Variants in TM7SF3 observed in about 807,000 individuals in gnomAD.
The protein encoded by TM7SF3 is seven span transmembrane protein.
TM7SF3 carries 60 observed loss-of-function variants against 65.5 expected under a neutral mutation model. The ratio of observed to expected loss-of-function variants is 0.92; its 90% confidence interval spans 0.74 to 1.14. The LOEUF (loss-of-function observed/expected upper bound fraction) is 1.14. Among genes scored for constraint, TM7SF3 ranks in the 50% most tolerant of loss-of-function variants. TM7SF3 has a pLI of 0.00. For missense variants in TM7SF3, 623 were observed against 684.8 expected, an observed-to-expected ratio of 0.91 and a Z score of 1.01; for synonymous variants, 264 against 259.6, an observed-to-expected ratio of 1.02 and a Z score of -0.16.
chr12:26,982,346 T>C (rs973249761), intron 7 of TM7SF3, among the ~76,000 whole-genome samples: 1 of 152,100 alleles, frequency 6.6e-6, no homozygotes, highest in Non-Finnish European at 1.5e-5. Flanking sequence ...CCAATTTGTC[T>C]TTAATTTTTT....
At chr12:27,002,139 TAAGA>T (rs1055230516) in intron 2 of TM7SF3, among the ~76,000 whole-genome samples, 2 of 151,910 alleles carry the variant, frequency 1.3e-5, no homozygotes, top group South Asian at 2.1e-4. Context: ...CACAAAATAG[TAAGA>T]AAGATAGTGT....
At chr12:26,984,774 A>G (rs929304028) in intron 6 of TM7SF3, among the ~76,000 whole-genome samples, 17 of 152,226 alleles carry the variant, frequency 1.1e-4, no homozygotes, top group African/African-American at 3.9e-4. Context: ...GGAAGGTTCC[A>G]TCAAAAGCAG....
intron 2 of TM7SF3, 63 bp downstream of exon 2, chr12:27,003,173 T>C: frequency 1.7e-6 from 2 of 1,171,204 alleles, no homozygotes; most frequent in African/African-American, 1.5e-5. Context: ...CTAATGCTCA[T>C]ACTAAATACC....
chr12:26,982,740 A>G (rs1268115537), intron 7 of TM7SF3, 33 bp downstream of exon 7: 6 of 1,512,580 alleles, frequency 4.0e-6, no homozygotes, highest in Non-Finnish European at 5.4e-6. Flanking sequence ...AAAGACTGCA[A>G]AATGGAAATA....
chr12:26,998,836 T>G (rs2039075434), intron 3 of TM7SF3, among the ~76,000 whole-genome samples: 1 of 152,144 alleles, frequency 6.6e-6, no homozygotes, highest in Non-Finnish European at 1.5e-5. Flanking sequence ...TACCTCGAAA[T>G]AAAGTACAAA....
intron 1 of TM7SF3, among the ~76,000 whole-genome samples, chr12:27,009,717 T>A (rs1941175350): frequency 1.3e-5 from 2 of 152,190 alleles, no homozygotes; most frequent in African/African-American, 4.8e-5. Flanking sequence ...CTTTTAAATG[T>A]CTATTTCTAG....
At position 26,973,903 on chromosome 12, in the gene TM7SF3, CTG is replaced by C. The variant is rs1939456946; in HGVS notation, c.*60_*61del. The C allele has an allele frequency of 6.3e-7, 1 of 1,575,774 alleles. No homozygotes were observed. Among genetic ancestry groups the C allele is most frequent in the Non-Finnish European group, 8.6e-7 (1 of 1,164,960 alleles). ...TCTCTTATTAGACTTGCACCAGAGA[CTG>C]TTGAACCACTCCAGGCATGAACTCC... On this transcript the variant is annotated 3_prime_UTR_variant, in exon 12 of 12. Transcript: ENST00000343028.
At chr12:26,992,020 C>A (rs1056838589) in intron 5 of TM7SF3, among the ~76,000 whole-genome samples, 3 of 152,102 alleles carry the variant, frequency 2.0e-5, no homozygotes, top group African/African-American at 7.2e-5. Flanking sequence ...AGAAAGCTCT[C>A]AGATGATGCC....
chr12:27,000,710 C>T (rs1231168782), intron 2 of TM7SF3, among the ~76,000 whole-genome samples: 1 of 152,190 alleles, frequency 6.6e-6, no homozygotes, highest in African/African-American at 2.4e-5. Flanking sequence ...CCGCCAGCAT[C>T]AGCCTCCCAA....
chr12:26,995,469 AG>A, intron 4 of TM7SF3, 61 bp from the exon 5 acceptor site: 1 of 1,548,760 alleles, frequency 6.5e-7, no homozygotes, highest in Non-Finnish European at 8.8e-7. Context: ...ATCTATAAAA[AG>A]GAACCAAGAG....
At chr12:27,002,746 G>A (rs1465678270) in intron 2 of TM7SF3, among the ~76,000 whole-genome samples, 2 of 152,186 alleles carry the variant, frequency 1.3e-5, no homozygotes, top group African/African-American at 4.8e-5. Context: ...TACTGCTGGA[G>A]GCATAGCACA....
Position 26,973,331 on chromosome 12 carries a change from G to T in TM7SF3, c.*634C>A. On this transcript the variant is annotated 3_prime_UTR_variant, in exon 12 of 12. Coordinates refer to ENST00000343028, the MANE Select transcript of TM7SF3 (RefSeq NM_016551.3). ...GCTGGGAGTAGGCATGTGCCACCAT[G>T]CCTGGCTAATTTTTTAATTTTTTTG... The T allele has an allele frequency of 6.6e-6, 1 of 152,274 alleles. No individual in the cohort carries two copies. The highest frequency in any genetic ancestry group is 6.5e-5 in the Admixed American group (1 of 15,274). 9.4% of individuals were successfully genotyped at this position (152,274 alleles called of 1,614,324 possible).
At chr12:27,013,164 A>AT in intron 1 of TM7SF3, 1 of 167,384 alleles carries the variant, frequency 6.0e-6, no homozygotes, top group East Asian at 1.8e-4. Flanking sequence ...TTAAATTGTT[A>AT]TTTTTTACAG....
intron 5 of TM7SF3, among the ~76,000 whole-genome samples, chr12:26,994,846 A>G (rs1940524494): frequency 6.6e-6 from 1 of 152,206 alleles, no homozygotes; most frequent in Admixed American, 6.5e-5. Flanking sequence ...TTGGGTTCAA[A>G]TATGAATGCC....
At chr12:26,975,285 G>A (rs1024225431) in intron 11 of TM7SF3, among the ~76,000 whole-genome samples, 4 of 152,128 alleles carry the variant, frequency 2.6e-5, no homozygotes, top group African/African-American at 9.7e-5. Flanking sequence ...TCATTTAGTA[G>A]ATTTTTATCT....
chr12:26,999,804 A>C, intron 2 of TM7SF3, 128 bp from the exon 3 acceptor site: 1 of 904,716 alleles, frequency 1.1e-6, no homozygotes, highest in African/African-American at 1.7e-5. Context: ...CCTTCCTTAA[A>C]TAACCAGGGA....
chr12:26,990,867 C>A (rs946757481), intron 5 of TM7SF3, among the ~76,000 whole-genome samples: 3 of 151,894 alleles, frequency 2.0e-5, no homozygotes, highest in African/African-American at 7.3e-5. Context: ...AAGGAAAATG[C>A]GATATAAACA....
rs1053497693 is a variant in TM7SF3 at position 26,972,160 on chromosome 12, G to C, written c.*1805C>G. ...GAGTAGTAAGTATGCAACCCAGGGT[G>C]TCGGGTGCTTTCTTGTGGTGAAACA... On this transcript the variant is annotated 3_prime_UTR_variant, in exon 12 of 12. Transcript: ENST00000343028. 1.3e-5 allele frequency: 2 copies of C among 152,188 alleles called. No homozygotes were observed. The highest frequency in any genetic ancestry group is 2.9e-5 in the Non-Finnish European group (2 of 68,038). The allele number at this position is 152,188 out of a possible 1,614,324, so 9.4% of individuals were successfully genotyped here.
intron 6 of TM7SF3, among the ~76,000 whole-genome samples, chr12:26,986,039 A>G (rs1483987414): frequency 4.6e-5 from 7 of 151,022 alleles, no homozygotes; most frequent in Non-Finnish European, 5.9e-5. Flanking sequence ...TGTGTTAGCC[A>G]GGATGGTCTC....
Sources: gnomAD v4.1 joint callset for allele counts (sites outside exome capture counted in the v4.1 genomes callset) on GRCh38, gnomAD v4.1.1 for gene constraint, MANE v1.5 for transcripts, NCBI Gene and HGNC (gene_info 2026-07-23, HGNC 2026-07-21) for gene names.